The following NSUN4 variants were observed in gnomAD, a reference collection of about 807,000 sequenced individuals.
The protein encoded by NSUN4 is NOP2/Sun RNA methyltransferase 4.
A neutral mutation model predicts 43.8 loss-of-function variants in NSUN4; 31 were observed. That is an observed-to-expected ratio of 0.71 (90% confidence interval 0.53 to 0.96). The LOEUF (loss-of-function observed/expected upper bound fraction) is 0.96. Among genes scored for constraint, NSUN4 ranks in the 40% least tolerant of loss-of-function variants. The probability of loss-of-function intolerance (pLI) is 0.00; values close to 1 mark genes in which losing one functional copy is unlikely to be tolerated. For synonymous variants in NSUN4, 167 were observed against 184.1 expected, an observed-to-expected ratio of 0.91 and a Z score of 0.75; for missense variants, 439 against 475.6, an observed-to-expected ratio of 0.92 and a Z score of 0.72.
At chr1:46,357,488 A>G (rs1663469913) in intron 4 of NSUN4, among the ~76,000 whole-genome samples, 1 of 152,234 alleles carries the variant, frequency 6.6e-6, no homozygotes, top group South Asian at 2.1e-4. Flanking sequence ...CAATATTAGA[A>G]ATATATTAGA....
At chr1:46,358,008 G>A (rs927511588) in intron 4 of NSUN4, among the ~76,000 whole-genome samples, 2 of 152,140 alleles carry the variant, frequency 1.3e-5, no homozygotes, top group South Asian at 2.1e-4. Context: ...TCCACCTTCC[G>A]GGTTCAAGCA....
chr1:46,351,659 CT>C (rs1190689943), intron 3 of NSUN4, among the ~76,000 whole-genome samples: 61 of 88,868 alleles, frequency 6.9e-4, no homozygotes, highest in South Asian at 4.4e-3. Context: ...GACCCAGTCT[CT>C]TTTTTTTTTT....
In NSUN4 at chr1:46,352,990, A is replaced by G. The variant is rs775518971; in HGVS notation, c.715A>G (p.Arg239Gly). The change falls in exon 4 of 6, where the codon AGG becomes GGG. Residue 239 changes from arginine to glycine, a missense_variant. Arg to Gly is a moderately radical substitution (Grantham distance 125). Transcript: ENST00000474844. ...NQVRVTSWDG[R>G]KWGELEGDTY... is the part of the protein sequence containing the mutation. ...AGTTCGAGTTACCTCATGGGATGGC[A>G]GGAAATGGGGAGAACTGGAGGGGGA... The G allele has an allele frequency of 1.9e-6, 3 of 1,614,066 alleles. No homozygotes were observed. In the East Asian group the frequency reaches 6.7e-5, roughly 36 times the overall value.
At chr1:46,343,881 G>C in intron 1 of NSUN4, 1 of 399,930 alleles carries the variant, frequency 2.5e-6, no homozygotes, top group Non-Finnish European at 4.4e-6. Flanking sequence ...AACATAGCAG[G>C]AGCCAGAGCA....
rs112974748 is a variant in NSUN4 at position 46,347,859 on chromosome 1, C to CTTTTTTTTTTT, written c.592+785_592+795dup. The stretch of plus-strand genomic sequence containing the variant: ...TGGCTGTCCAAATCCTTTTGACTTT[C>CTTTTTTTTTTT]TTTTTTTTTTTCTTTCTTTTTTTTT... On this transcript the variant is annotated intron_variant, in intron 3 of 5. Transcript: ENST00000474844. 9.5e-4 allele frequency among the ~76,000 whole-genome samples: 136 copies of CTTTTTTTTTTT among 142,938 alleles called. 1 individual carries two copies. Among genetic ancestry groups the CTTTTTTTTTTT allele is most frequent in the Non-Finnish European group, 1.6e-3 (105 of 65,418 alleles). The allele number at this position is 142,938 out of a possible 152,430, so 93.8% of individuals were successfully genotyped here.
intron 4 of NSUN4, among the ~76,000 whole-genome samples, chr1:46,353,522 G>A (rs982319450): frequency 6.6e-6 from 1 of 151,918 alleles, no homozygotes; most frequent in Non-Finnish European, 1.5e-5. Context: ...TGTTGCCCAG[G>A]CTGGAGTGCA....
downstream of NSUN4, among the ~76,000 whole-genome samples, chr1:46,369,920 A>C (rs952881348): frequency 6.6e-6 from 1 of 152,232 alleles, no homozygotes; most frequent in Non-Finnish European, 1.5e-5. Flanking sequence ...GAATATGATT[A>C]TCAGAATTTA....
At chr1:46,358,653 G>C (rs1021481045) in intron 4 of NSUN4, among the ~76,000 whole-genome samples, 8 of 151,984 alleles carry the variant, frequency 5.3e-5, no homozygotes, top group African/African-American at 1.9e-4. Flanking sequence ...GCCTGCCTCG[G>C]CCTCCCAAAG....
chr1:46,372,718 G>A, the NSUN4 span, among the ~76,000 whole-genome samples: 2 of 152,032 alleles, frequency 1.3e-5, no homozygotes, highest in Admixed American at 6.5e-5. Flanking sequence ...TTTTTGTTTT[G>A]TTTTGTTTTG....
intron 3 of NSUN4, among the ~76,000 whole-genome samples, chr1:46,351,973 C>G (rs1032741970): frequency 6.6e-6 from 1 of 150,820 alleles, no homozygotes; most frequent in African/African-American, 2.4e-5. Flanking sequence ...CTTCCAGTCT[C>G]TTTTTAAAAA....
chr1:46,383,224 C>T, the NSUN4 span, among the ~76,000 whole-genome samples: 2 of 152,146 alleles, frequency 1.3e-5, no homozygotes, highest in African/African-American at 4.8e-5. Context: ...GACCCGGTGT[C>T]CCGGGTTTGG....
intron 1 of NSUN4, chr1:46,342,144 G>A: frequency 2.4e-6 from 1 of 408,310 alleles, no homozygotes; most frequent in Non-Finnish European, 4.3e-6. Context: ...TTCTCACAGA[G>A]TTTTGGAAAC....
In NSUN4 at chr1:46,346,520, C is replaced by G. The variant is rs183916848; in HGVS notation, c.438-401C>G. The stretch of plus-strand genomic sequence containing the variant: ...TGAGCCAAGATTGCGCCACCGCACT[C>G]CAGCCTGGGCAACAGAGCGAGACTG... On this transcript the variant is annotated intron_variant, in intron 2 of 5. Transcript: ENST00000474844. Among the ~76,000 whole-genome samples the G allele has an allele frequency of 1.2e-3, 178 of 145,282 alleles. 1 individual carries two copies. The highest frequency in any genetic ancestry group is 4.4e-3 in the African/African-American group (167 of 38,308).
intron 1 of NSUN4, chr1:46,344,421 C>G (rs1289779201): frequency 4.8e-6 from 1 of 208,590 alleles, no homozygotes; most frequent in South Asian, 1.5e-4. Flanking sequence ...TAGAACTGTT[C>G]AGAAGAAAAG....
chr1:46,350,458 G>A (rs569151396), intron 3 of NSUN4, among the ~76,000 whole-genome samples: 25 of 152,280 alleles, frequency 1.6e-4, no homozygotes, highest in Middle Eastern at 6.8e-3. Flanking sequence ...CTTGCATCTC[G>A]CATTCTTTAC....
intron 3 of NSUN4, among the ~76,000 whole-genome samples, chr1:46,349,706 C>T (rs17357683): frequency 0.22 from 34,144 of 152,084 alleles, 4,306 homozygotes; most frequent in Non-Finnish European, 0.29. Context: ...ATATCACATT[C>T]GGTCATAGCC....
chr1:46,357,783 G>A (rs1663489242), intron 4 of NSUN4, among the ~76,000 whole-genome samples: 1 of 152,018 alleles, frequency 6.6e-6, no homozygotes, highest in African/African-American at 2.4e-5. Context: ...TTTCCTTTTA[G>A]GTGTATCTCT....
the NSUN4 span, among the ~76,000 whole-genome samples, chr1:46,376,272 A>G: frequency 4.2e-4 from 63 of 150,218 alleles, 1 homozygote; most frequent in East Asian, 8.6e-3. Flanking sequence ...AGACGGGTGT[A>G]GTGGTGGGGC....
At chr1:46,348,146 C>T (rs1302738432) in intron 3 of NSUN4, among the ~76,000 whole-genome samples, 3 of 152,188 alleles carry the variant, frequency 2.0e-5, no homozygotes, top group African/African-American at 2.4e-5. Flanking sequence ...TCCCAAATTG[C>T]TGGGATTACA....
Sources: gnomAD v4.1 joint callset for allele counts (sites outside exome capture counted in the v4.1 genomes callset) on GRCh38, gnomAD v4.1.1 for gene constraint, MANE v1.5 for transcripts, NCBI Gene and HGNC (gene_info 2026-07-23, HGNC 2026-07-21) for gene names.